The following KIF26B variants were observed in gnomAD, a reference collection of about 807,000 sequenced individuals.
The protein encoded by KIF26B is kinesin-like protein KIF26B.
KIF26B carries 63 observed loss-of-function variants against 151.2 expected under a neutral mutation model. That is an observed-to-expected ratio of 0.42 (90% CI 0.34 to 0.51). The LOEUF (loss-of-function observed/expected upper bound fraction) is 0.51, where lower values mean the gene tolerates loss of function less well. Among genes scored for constraint, KIF26B ranks in the 20% least tolerant of loss-of-function variants. The probability of loss-of-function intolerance (pLI) is 0.07; values close to 1 mark genes in which losing one functional copy is unlikely to be tolerated. For missense variants in KIF26B, 2,813 were observed against 2,913.6 expected (o/e 0.97, Z 0.79); for synonymous variants, 1,357 against 1,262.1 (o/e 1.08, Z -1.59).
At chr1:245,331,229 G>A (rs1672105482) in intron 2 of KIF26B, among the ~76,000 whole-genome samples, 1 of 152,080 alleles carries the variant, frequency 6.6e-6, no homozygotes, top group Admixed American at 6.5e-5. Flanking sequence ...CCGGAGGAGG[G>A]TGCACGTGCG....
intron 2 of KIF26B, among the ~76,000 whole-genome samples, chr1:245,271,943 A>C (rs1393944099): frequency 2.0e-5 from 3 of 152,138 alleles, no homozygotes; most frequent in African/African-American, 7.2e-5. Flanking sequence ...AATTCTTTAA[A>C]TATTTGGTAG....
chr1:245,611,542 C>T (rs10924253), intron 8 of KIF26B, among the ~76,000 whole-genome samples: 58,831 of 152,072 alleles, frequency 0.39, 12,039 homozygotes, highest in East Asian at 0.66. Context: ...TCTACTTAGA[C>T]TGTAAAGTAG....
chr1:245,229,019 T>G (rs1343858714), intron 2 of KIF26B, among the ~76,000 whole-genome samples: 10 of 152,168 alleles, frequency 6.6e-5, no homozygotes, highest in Admixed American at 6.5e-4. Flanking sequence ...CAGGCTGGAG[T>G]GCAATGATGC....
chr1:245,303,689 G>A (rs1032393980), intron 2 of KIF26B, among the ~76,000 whole-genome samples: 2 of 152,340 alleles, frequency 1.3e-5, no homozygotes, highest in East Asian at 1.9e-4. Context: ...TGCTGTGAAG[G>A]AAACATGGAA....
chr1:245,256,987 A>G (rs1234376123), intron 2 of KIF26B, among the ~76,000 whole-genome samples: 1 of 152,178 alleles, frequency 6.6e-6, no homozygotes, highest in African/African-American at 2.4e-5. Context: ...AGAATCTGGC[A>G]CTTTTTGAAG....
Position 245,702,548 on chromosome 1 carries a change from T to C in KIF26B, c.6269T>C (p.Phe2090Ser). The stretch of plus-strand genomic sequence containing the variant: ...GAGCGCCTGGAGAGCCGTGTCAACT[T>C]CTGCAAGGCCCATCTCATGATGATC... Reference protein sequence around the residue: ...VTERLESRVNFCKAHLMMITC... With the variant: ...VTERLESRVNSCKAHLMMITC... The change falls in exon 15 of 15, where the codon TTC becomes TCC. Residue 2090 changes from phenylalanine (F) to serine (S), a missense_variant. This residue lies in a region of KIF26B where 2,060 missense variants were observed against 2,088.6 expected (regional missense o/e 0.99). Transcript: ENST00000407071. This position sits in a 1 kb window ranked among gnomAD's most constrained non-coding sequence, Gnocchi z 4.1. 3.1e-6 allele frequency: 5 copies of C among 1,613,934 alleles called. No individual in the cohort carries two copies. The highest frequency in any genetic ancestry group is 4.2e-6 in the Non-Finnish European group (5 of 1,179,876).
In KIF26B at chr1:245,518,921, G is replaced by A. The variant is rs900456378; in HGVS notation, c.1167-21846G>A. Among the ~76,000 whole-genome samples, 3 of 152,066 alleles carry A rather than the reference G, an allele frequency of 2.0e-5. No homozygotes were observed. The South Asian group carries it at 6.2e-4, about 32-fold the overall frequency. On this transcript the variant is annotated intron_variant, in intron 4 of 14. Transcript: ENST00000407071. ...GCTACACTCTTACACACTCACTCCC[G>A]GATCCCTTTGTGCATGATTTCTGTC...
intron 12 of KIF26B, among the ~76,000 whole-genome samples, chr1:245,696,202 A>C (rs1364264721): frequency 6.6e-6 from 1 of 152,232 alleles, no homozygotes; most frequent in Non-Finnish European, 1.5e-5. Context: ...GTAGGTTATA[A>C]AAGACACTGC....
chr1:245,504,412 A>C (rs1572095447), intron 4 of KIF26B, among the ~76,000 whole-genome samples: 10 of 112,114 alleles, frequency 8.9e-5, no homozygotes, highest in African/African-American at 1.4e-4. Flanking sequence ...CCCTCCCTTC[A>C]TGTTTTCCTT....
rs1419811380 is a variant in KIF26B, at chr1:245,170,155, C to T, written c.465+13472C>T. On this transcript the variant is annotated intron_variant, in intron 2 of 14. Coordinates refer to ENST00000407071, the MANE Select transcript of KIF26B (RefSeq NM_018012.4). The surrounding 1 kb of genome is among the most constrained non-coding windows in gnomAD (Gnocchi z 4.4). Reference sequence around the variant, plus strand: ...CAAATGGCGGGATGGGAGATGATGCCTGGGTGAGTCCTGGAAAGTGCCGTG... The same window carrying T: ...CAAATGGCGGGATGGGAGATGATGCTTGGGTGAGTCCTGGAAAGTGCCGTG... Among the ~76,000 whole-genome samples the T allele has an allele frequency of 2.0e-5, 3 of 152,126 alleles. No individual in the cohort carries two copies. Among genetic ancestry groups the T allele is most frequent in the South Asian group, 2.1e-4 (1 of 4,818 alleles).
At chr1:245,325,466 C>A (rs1263068285) in intron 2 of KIF26B, among the ~76,000 whole-genome samples, 4 of 152,214 alleles carry the variant, frequency 2.6e-5, no homozygotes, top group Admixed American at 2.6e-4. Flanking sequence ...GTAATCCCAG[C>A]ACTTTGGAAA....
At chr1:245,510,496 G>A (rs954460059) in intron 4 of KIF26B, among the ~76,000 whole-genome samples, 1 of 152,130 alleles carries the variant, frequency 6.6e-6, no homozygotes, top group African/African-American at 2.4e-5. Flanking sequence ...TGCAGCTGCT[G>A]TGCCAAGAAC....
At chr1:245,440,314 G>A (rs1418197302) in intron 4 of KIF26B, among the ~76,000 whole-genome samples, 1 of 152,116 alleles carries the variant, frequency 6.6e-6, no homozygotes, top group Non-Finnish European at 1.5e-5. Context: ...TTGAGAACGG[G>A]CATTTGGAAG....
At chr1:245,301,284 G>A (rs1056451226) in intron 2 of KIF26B, among the ~76,000 whole-genome samples, 3 of 152,178 alleles carry the variant, frequency 2.0e-5, no homozygotes. Flanking sequence ...TTATTACAGT[G>A]ATATATCTTG....
chr1:245,210,106 C>T (rs1669485415), intron 2 of KIF26B, among the ~76,000 whole-genome samples: 1 of 152,226 alleles, frequency 6.6e-6, no homozygotes, highest in African/African-American at 2.4e-5. Flanking sequence ...GGTGCAGATA[C>T]AGGCTCCACC....
chr1:245,307,801 C>T (rs370254171), intron 2 of KIF26B, among the ~76,000 whole-genome samples: 31 of 150,002 alleles, frequency 2.1e-4, no homozygotes, highest in African/African-American at 7.1e-4. Flanking sequence ...AGTGCGGTGG[C>T]GCGATCTGGG....
intron 2 of KIF26B, among the ~76,000 whole-genome samples, chr1:245,229,285 C>T (rs1361080422): frequency 6.6e-6 from 1 of 152,024 alleles, no homozygotes; most frequent in Non-Finnish European, 1.5e-5. Context: ...TTTATCTTAC[C>T]CATGTGTCTC....
intron 4 of KIF26B, among the ~76,000 whole-genome samples, chr1:245,536,029 C>A (rs1661481934): frequency 1.3e-5 from 2 of 152,170 alleles, no homozygotes; most frequent in African/African-American, 4.8e-5. Context: ...TGTGCTTGGG[C>A]CTTTATAAAC....
At chr1:245,329,849 G>A (rs998016922) in intron 2 of KIF26B, among the ~76,000 whole-genome samples, 22 of 152,168 alleles carry the variant, frequency 1.4e-4, no homozygotes, top group African/African-American at 1.4e-4. Context: ...GCCTCACTCC[G>A]TTGTACAGGC....
Sources: allele counts gnomAD v4.1 joint callset (sites outside exome capture counted in the v4.1 genomes callset), GRCh38; gene constraint gnomAD v4.1.1; regional missense constraint gnomAD v4.1.1; non-coding constraint Gnocchi (gnomAD v3.1); transcripts MANE v1.5; gene names NCBI Gene and HGNC (gene_info 2026-07-23, HGNC 2026-07-21).